Variants in ZNF678 observed in about 807,000 individuals in gnomAD.
ZNF678 encodes the protein hypothetical protein MGC42493.
Under a neutral mutation model 3.0 loss-of-function variants are expected in ZNF678, and 5 were observed. The ratio of observed to expected loss-of-function variants is 1.69; its 90% CI spans 0.88 to 3.56. The LOEUF is 3.56. Among genes scored for constraint, ZNF678 ranks in the 30% most tolerant of loss-of-function variants. ZNF678 has a pLI of 0.00. For missense variants in ZNF678, 593 were observed against 605.0 expected, an observed-to-expected ratio of 0.98 and a Z score of 0.21; for synonymous variants, 218 against 199.6, an observed-to-expected ratio of 1.09 and a Z score of -0.78.
intron 5 of ZNF678, among the ~76,000 whole-genome samples, chr1:227,668,749 G>A (rs1659550389): frequency 6.6e-6 from 1 of 152,096 alleles, no homozygotes; most frequent in Non-Finnish European, 1.5e-5. Context: ...ATGATGAAAG[G>A]TAAGGATCTA....
intron 1 of ZNF678, among the ~76,000 whole-genome samples, chr1:227,608,403 A>G (rs1444088504): frequency 6.6e-6 from 1 of 152,158 alleles, no homozygotes; most frequent in African/African-American, 2.4e-5. Context: ...TAAAGTAGAG[A>G]ATGATGTCTT....
intron 1 of ZNF678, among the ~76,000 whole-genome samples, chr1:227,640,529 G>A (rs1658793153): frequency 1.3e-5 from 2 of 152,128 alleles, no homozygotes; most frequent in East Asian, 1.9e-4. Flanking sequence ...TGCAGAGGTC[G>A]GGGTGTAATC....
intron 1 of ZNF678, among the ~76,000 whole-genome samples, chr1:227,597,368 G>A (rs1558137883): frequency 6.6e-6 from 1 of 152,214 alleles, no homozygotes; most frequent in African/African-American, 2.4e-5. Flanking sequence ...CATCACGAAC[G>A]TGTCACAGTG....
At chr1:227,635,744 C>T (rs527708604) in intron 1 of ZNF678, among the ~76,000 whole-genome samples, 2 of 152,192 alleles carry the variant, frequency 1.3e-5, no homozygotes, top group African/African-American at 2.4e-5. Flanking sequence ...TTCAGGGGTA[C>T]GTGTCTTCTG....
chr1:227,617,160 T>C (rs1182345455), intron 1 of ZNF678, among the ~76,000 whole-genome samples: 1 of 152,182 alleles, frequency 6.6e-6, no homozygotes, highest in Non-Finnish European at 1.5e-5. Context: ...TAGGCCTTGG[T>C]AGAAAATGAA....
intron 2 of ZNF678, among the ~76,000 whole-genome samples, chr1:227,649,556 G>T (rs576734654): frequency 1.3e-5 from 2 of 152,246 alleles, no homozygotes; most frequent in African/African-American, 4.8e-5. Flanking sequence ...CACCATGTTG[G>T]CCAGGCTGGT....
chr1:227,676,406 G>A (rs1659680214), intron 5 of ZNF678, among the ~76,000 whole-genome samples: 5 of 152,162 alleles, frequency 3.3e-5, no homozygotes, highest in Admixed American at 2.6e-4. Flanking sequence ...TGGGAAACAG[G>A]AGAAACCACA....
At chr1:227,604,609 AAAC>A (rs1657819103) in intron 1 of ZNF678, among the ~76,000 whole-genome samples, 1 of 152,086 alleles carries the variant, frequency 6.6e-6, no homozygotes, top group Non-Finnish European at 1.5e-5. Context: ...AGCTGATCTC[AAAC>A]TCCCGGGCTC....
intron 1 of ZNF678, among the ~76,000 whole-genome samples, chr1:227,570,672 GTT>G (rs36103120): frequency 7.5e-5 from 11 of 146,238 alleles, no homozygotes; most frequent in Non-Finnish European, 7.6e-5. Flanking sequence ...TGGCTGACTA[GTT>G]TTTTTTTTTT....
rs373015410 is a variant in ZNF678, at chr1:227,600,674, T to C, written c.-164+36950T>C. Among the ~76,000 whole-genome samples the C allele has an allele frequency of 2.0e-4, 30 of 152,384 alleles. No individual in the cohort carries two copies. The East Asian group carries it at 3.5e-3, about 18-fold the overall frequency. ...ATTTGTTTAAGTTCCATATAGATGT[T>C]GAATATGAGACGTTTGTCAGATACA... On this transcript the variant is annotated intron_variant, in intron 1 of 3. Transcript: ENST00000343776.
At position 227,655,597 on chromosome 1, in the gene ZNF678, T is replaced by C. The variant is rs1659222120; in HGVS notation, c.1347T>C (p.Ser449=). 1 of 1,612,328 alleles carries C rather than the reference T, an allele frequency of 6.2e-7. No homozygotes were observed. Among genetic ancestry groups the C allele is most frequent in the Non-Finnish European group, 8.5e-7 (1 of 1,179,222 alleles). The change falls in exon 4 of 4, where the codon AGT becomes AGC. Residue 449 remains serine, a synonymous_variant. Coordinates refer to ENST00000343776, the MANE Select transcript of ZNF678 (RefSeq NM_001367909.1). ...GKAFYQSSIL[S]KHKRIHTEEK... Reference sequence around the variant, plus strand: ...CTTTTTACCAATCCTCAATCCTTAGTAAGCATAAGAGAATTCATACTGAAG... The same window carrying C: ...CTTTTTACCAATCCTCAATCCTTAGCAAGCATAAGAGAATTCATACTGAAG...
chr1:227,666,951 G>T (rs982266425), downstream of ZNF678, among the ~76,000 whole-genome samples: 3 of 151,410 alleles, frequency 2.0e-5, no homozygotes, highest in Admixed American at 6.6e-5. Flanking sequence ...TCACCATATT[G>T]GTCAGCTGGT....
chr1:227,568,151 A>G (rs1297923051), intron 1 of ZNF678, among the ~76,000 whole-genome samples: 1 of 152,168 alleles, frequency 6.6e-6, no homozygotes, highest in Non-Finnish European at 1.5e-5. Flanking sequence ...ATTTATGCCT[A>G]GTGTTCCATT....
At chr1:227,594,961 C>A (rs557178066) in intron 1 of ZNF678, among the ~76,000 whole-genome samples, 3 of 152,044 alleles carry the variant, frequency 2.0e-5, no homozygotes, top group East Asian at 1.9e-4. Flanking sequence ...TGCTACAGAT[C>A]GAATGCATTT....
chr1:227,633,333 G>A (rs1179538513), intron 1 of ZNF678, among the ~76,000 whole-genome samples: 3 of 152,146 alleles, frequency 2.0e-5, no homozygotes, highest in African/African-American at 4.8e-5. Context: ...GGTTTATATC[G>A]CAATCATTGT....
At chr1:227,604,128 TAACA>T (rs1288159378) in intron 1 of ZNF678, among the ~76,000 whole-genome samples, 4 of 152,260 alleles carry the variant, frequency 2.6e-5, no homozygotes, top group Non-Finnish European at 4.4e-5. Context: ...TATTTGGTTA[TAACA>T]AACAATGTTC....
chr1:227,566,613 A>G lies in ZNF678; in HGVS notation c.-164+2889A>G, dbSNP rs1396200176. ...CTTGAGTCGGATGTGTCTGTGTTCC[A>G]GGTAGTACTGCTTCTCCCTGAGTTT... On this transcript the variant is annotated intron_variant, in intron 1 of 3. Coordinates refer to ENST00000343776, the MANE Select transcript of ZNF678 (RefSeq NM_001367909.1). Among the ~76,000 whole-genome samples the G allele has an allele frequency of 1.0e-3, 159 of 152,214 alleles. 1 individual carries two copies. The highest frequency in any genetic ancestry group is 1.0e-4 in the Non-Finnish European group (7 of 68,036).
At chr1:227,600,419 T>G (rs1340652321) in intron 1 of ZNF678, among the ~76,000 whole-genome samples, 2 of 152,244 alleles carry the variant, frequency 1.3e-5, no homozygotes, top group Non-Finnish European at 2.9e-5. Flanking sequence ...AAATTTACAG[T>G]CCTACCAACA....
At chr1:227,565,286 G>C (rs1481067887) in intron 1 of ZNF678, among the ~76,000 whole-genome samples, 3 of 149,736 alleles carry the variant, frequency 2.0e-5, no homozygotes, top group Admixed American at 2.0e-4. Context: ...GGATTGTCTT[G>C]ATCTCTTGAC....
Sources: gnomAD v4.1 joint callset for allele counts (sites outside exome capture counted in the v4.1 genomes callset) on GRCh38, gnomAD v4.1.1 for gene constraint, MANE v1.5 for transcripts, NCBI Gene and HGNC (gene_info 2026-07-23, HGNC 2026-07-21) for gene names.